Variants in ACTR8 observed in about 807,000 individuals in gnomAD.
ACTR8 encodes actin-related protein 8.
Under a neutral mutation model 84.3 loss-of-function variants are expected in ACTR8, and 70 were observed. The observed-to-expected ratio is 0.83, with a 90% CI of 0.68 to 1.01. ACTR8 has a LOEUF of 1.01. ACTR8 is among the 50% of genes least tolerant of loss of function. The pLI is 0.00. For synonymous variants in ACTR8, 268 were observed against 275.2 expected (o/e 0.97, Z 0.26); for missense variants, 672 against 775.4 (o/e 0.87, Z 1.58).
Position 53,874,211 on chromosome 3 carries a change from C to G in ACTR8, c.1065G>C (p.Gln355His). ...HLKETFCHLD[Q>H]DISGLQDHEF... is the part of the protein sequence containing the mutation. ...TCAGCAATATTGATTCTGCTCCCAC[C>G]TGATCTAAATGACAAAAAGTTTCTT... The change falls in exon 8 of 13, where the codon CAG becomes CAC. Residue 355 changes from glutamine to histidine, a missense_variant and splice_region_variant. Physicochemically the swap from Gln to His is conservative, Grantham distance 24. Coordinates refer to ENST00000335754, the MANE Select transcript of ACTR8 (RefSeq NM_022899.5). 6.2e-7 allele frequency: 1 copy of G among 1,612,246 alleles called. No individual in the cohort carries two copies. Among genetic ancestry groups the G allele is most frequent in the Non-Finnish European group, 8.5e-7 (1 of 1,179,356 alleles).
At chr3:53,872,273 T>A in intron 10 of ACTR8, 111 bp downstream of exon 10, 1 of 1,184,080 alleles carries the variant, frequency 8.4e-7, no homozygotes, top group East Asian at 2.8e-5. Context: ...AAAAGCTATA[T>A]CAGTGTTATT....
downstream of ACTR8, chr3:53,864,895 G>A: frequency 6.2e-7 from 1 of 1,614,196 alleles, no homozygotes; most frequent in Non-Finnish European, 8.5e-7. Flanking sequence ...GGTCATCCTT[G>A]AAAAGTGGCA....
At chr3:53,859,512 G>C in the ACTR8 span, 1 of 152,486 alleles carries the variant, frequency 6.6e-6, no homozygotes, top group Non-Finnish European at 1.5e-5. Context: ...CTTACCTGAT[G>C]TTCTTGTGAG....
chr3:53,864,750 G>A (rs774743660), downstream of ACTR8: 19 of 1,604,044 alleles, frequency 1.2e-5, no homozygotes, highest in Middle Eastern at 1.7e-4. Context: ...TCACAGAAAG[G>A]ATCAAGAAGA....
rs1347204252 is a variant in ACTR8, at chr3:53,870,477, CCT to C, written c.1568-334_1568-333del. ...ACCAGCCTGGCCAACATAGTGAAACCCTGTCTCTACTAAAAATACAAAAAGTA... is the reference window on the plus strand; with the variant it reads ...ACCAGCCTGGCCAACATAGTGAAACCGTCTCTACTAAAAATACAAAAAGTA... On this transcript the variant is annotated intron_variant, in intron 11 of 12. Coordinates refer to ENST00000335754, the MANE Select transcript of ACTR8 (RefSeq NM_022899.5). This position sits in a 1 kb window ranked among gnomAD's most constrained non-coding sequence, Gnocchi z 4.1. Among the ~76,000 whole-genome samples, 1 of 152,130 alleles carries C rather than the reference CCT, an allele frequency of 6.6e-6. No homozygotes were observed. Among genetic ancestry groups the C allele is most frequent in the Non-Finnish European group, 1.5e-5 (1 of 68,038 alleles).
Position 53,877,471 on chromosome 3 carries a change from C to T in ACTR8, c.511-84G>A, listed in dbSNP as rs1224316026. 9 of 1,423,002 alleles carry T rather than the reference C, an allele frequency of 6.3e-6. No individual in the cohort carries two copies. The African/African-American group carries it at 7.2e-5, about 11-fold the overall frequency. 88.1% of individuals were successfully genotyped at this position (1,423,002 alleles called of 1,614,324 possible). A position where few individuals can be genotyped will look rare whatever the true frequency, so the allele number is the denominator to read the frequency against. On this transcript the variant is annotated intron_variant, in intron 4 of 12. Transcript: ENST00000335754. ...GATTCATATCCAAAAATCTAACTAA[C>T]GTTTGCTGAATGTGAGAAATGTTGA...
intron 9 of ACTR8, 89 bp downstream of exon 9, chr3:53,872,943 C>G: frequency 9.5e-7 from 1 of 1,050,072 alleles, no homozygotes; most frequent in Non-Finnish European, 1.4e-6. Context: ...TCTGATCTCA[C>G]AATGTTTCCA....
rs1699872384 is a variant in ACTR8 at position 53,870,798 on chromosome 3, A to AC, written c.1567+433dup. On this transcript the variant is annotated intron_variant, in intron 11 of 12. Coordinates refer to ENST00000335754, the MANE Select transcript of ACTR8 (RefSeq NM_022899.5). This position sits in a 1 kb window ranked among gnomAD's most constrained non-coding sequence, Gnocchi z 4.1. ...CTACCCCATCTGTGACTGCTAACTG[A>AC]CCCCTTTCATCCTTTACATCTCTCT... Among the ~76,000 whole-genome samples the AC allele has an allele frequency of 6.6e-6, 1 of 152,002 alleles. No homozygotes were observed. Among genetic ancestry groups the AC allele is most frequent in the Admixed American group, 6.6e-5 (1 of 15,262 alleles).
intron 6 of ACTR8, among the ~76,000 whole-genome samples, chr3:53,876,419 T>C (rs889813146): frequency 6.6e-6 from 1 of 151,920 alleles, no homozygotes; most frequent in Non-Finnish European, 1.5e-5. Context: ...ATCAGGAGGC[T>C]GAGGCAGGAG....
At chr3:53,859,464 G>C in the ACTR8 span, 1 of 152,468 alleles carries the variant, frequency 6.6e-6, no homozygotes, top group Admixed American at 6.5e-5. Flanking sequence ...TTGTGCGTGG[G>C]CGAAGCCTTA....
At chr3:53,871,088 A>G (rs1475290408) in intron 11 of ACTR8, 144 bp downstream of exon 11, 1 of 1,152,612 alleles carries the variant, frequency 8.7e-7, no homozygotes, top group Non-Finnish European at 1.2e-6. Flanking sequence ...TGTATTCCCA[A>G]CACCTGGCAA....
intron 4 of ACTR8, 94 bp downstream of exon 4, chr3:53,877,553 T>C (rs942197894): frequency 1.0e-5 from 14 of 1,390,770 alleles, no homozygotes; most frequent in Non-Finnish European, 1.4e-5. Context: ...TATAGAACGC[T>C]AGGAAACAAC....
chr3:53,866,633 C>T (rs1294642123), downstream of ACTR8, among the ~76,000 whole-genome samples: 4 of 144,664 alleles, frequency 2.8e-5, no homozygotes, highest in East Asian at 6.8e-4. Flanking sequence ...AGGCACCCAC[C>T]ACCACACCCA....
chr3:53,874,838 G>A (rs1011757501), intron 7 of ACTR8, among the ~76,000 whole-genome samples: 1 of 152,128 alleles, frequency 6.6e-6, no homozygotes, highest in Non-Finnish European at 1.5e-5. Flanking sequence ...TGGAAGAAGG[G>A]AGAAAAGGAA....
chr3:53,865,410 G>T, downstream of ACTR8: 1 of 859,212 alleles, frequency 1.2e-6, no homozygotes. Flanking sequence ...CCTACAAACA[G>T]CCTTAGTAAT....
chr3:53,871,474 C>G lies in ACTR8; in HGVS notation c.1325G>C (p.Arg442Pro). 1.2e-6 allele frequency: 2 copies of G among 1,614,140 alleles called. No homozygotes were observed. The highest frequency in any genetic ancestry group is 1.7e-6 in the Non-Finnish European group (2 of 1,180,032). The change falls in exon 11 of 13, where the codon CGA becomes CCA. Residue 442 changes from arginine (R) to proline (P), a missense_variant. Transcript: ENST00000335754. ...TCCAATAGGTTTGGATGCAGACTTT[C>G]GGTCAGCAGTAGCTTTTGCAGACTT... ...QEQSAKATADRKSASKPIGFE... is the reference protein window; with the variant it reads ...QEQSAKATADPKSASKPIGFE...
At chr3:53,862,264 G>A (rs1699589126), downstream of ACTR8, among the ~76,000 whole-genome samples, 2 of 152,206 alleles carry the variant, frequency 1.3e-5, no homozygotes, top group South Asian at 4.2e-4. Flanking sequence ...CTCTAGATTG[G>A]GAGGCCATAA....
rs772761516 is a variant in ACTR8 at position 53,873,099 on chromosome 3, A to T, written c.1094T>A (p.Phe365Tyr). The change falls in exon 9 of 13, where the codon TTT (phenylalanine) becomes TAT (tyrosine). Residue 365 changes from phenylalanine to tyrosine, a missense_variant. Coordinates refer to ENST00000335754, the MANE Select transcript of ACTR8 (RefSeq NM_022899.5). ...AGGAGAATCAGGATGTCGAATCTGA[A>T]ACTCATGGTCCTGAAGCCCAGAGAT... Reference protein sequence around the residue: ...QDISGLQDHEFQIRHPDSPAL... With the variant: ...QDISGLQDHEYQIRHPDSPAL... 1 of 1,611,608 alleles carries T rather than the reference A, an allele frequency of 6.2e-7. No homozygotes were observed. The highest frequency in any genetic ancestry group is 1.1e-5 in the South Asian group (1 of 90,486).
At chr3:53,869,393 AC>A (rs1576859887) in intron 12 of ACTR8, among the ~76,000 whole-genome samples, 1 of 152,322 alleles carries the variant, frequency 6.6e-6, no homozygotes, top group East Asian at 1.9e-4. Context: ...TTGCACAAAT[AC>A]CCTATTTACC....
Sources: allele counts gnomAD v4.1 joint callset (sites outside exome capture counted in the v4.1 genomes callset), GRCh38; gene constraint gnomAD v4.1.1; non-coding constraint Gnocchi (gnomAD v3.1); transcripts MANE v1.5; gene names NCBI Gene and HGNC (gene_info 2026-07-23, HGNC 2026-07-21).